Variants in SRGAP2 observed in about 807,000 individuals in gnomAD.
The protein encoded by SRGAP2 is SLIT-ROBO Rho GTPase activating protein 2.
Under a neutral mutation model 57.2 loss-of-function variants are expected in SRGAP2, and 15 were observed. The observed-to-expected ratio is 0.26, with a 90% CI of 0.18 to 0.40. The LOEUF is 0.40. SRGAP2 is among the 10% of genes least tolerant of loss of function. The pLI is 1.00. For synonymous variants in SRGAP2, 249 were observed against 248.0 expected (o/e 1.00, Z -0.04); for missense variants, 520 against 669.6 (o/e 0.78, Z 2.47).
intron 17 of SRGAP2, among the ~76,000 whole-genome samples, chr1:206,444,825 C>G (rs1385897289): frequency 6.6e-6 from 1 of 152,190 alleles, no homozygotes; most frequent in Non-Finnish European, 1.5e-5. Flanking sequence ...CCGTTGCTGG[C>G]CTCTCCTGCA....
At chr1:206,363,133 C>T (rs1240348619) in intron 4 of SRGAP2, among the ~76,000 whole-genome samples, 26 of 152,028 alleles carry the variant, frequency 1.7e-4, no homozygotes, top group Non-Finnish European at 3.2e-4. Context: ...AGATGAAAAG[C>T]GTTCCGGAAC....
chr1:206,445,454 TAGA>T (rs1228284546), intron 17 of SRGAP2, among the ~76,000 whole-genome samples: 2 of 152,162 alleles, frequency 1.3e-5, no homozygotes, highest in Non-Finnish European at 2.9e-5. Context: ...TGTAATAATC[TAGA>T]AGGAGATTAT....
chr1:206,360,098 G>A (rs1184359448), intron 4 of SRGAP2, among the ~76,000 whole-genome samples: 1 of 152,084 alleles, frequency 6.6e-6, no homozygotes, highest in East Asian at 1.9e-4. Flanking sequence ...GAGCCACCGC[G>A]CCCGGCCGAT....
At chr1:206,428,420 C>CAAA (rs71152470) in intron 13 of SRGAP2, among the ~76,000 whole-genome samples, 7 of 60,062 alleles carry the variant, frequency 1.2e-4, no homozygotes, top group African/African-American at 3.6e-4. Flanking sequence ...GACTCTGTCT[C>CAAA]AAAAAAAAAA....
At chr1:206,237,302 A>G (rs536336710) in intron 2 of SRGAP2, among the ~76,000 whole-genome samples, 1 of 152,178 alleles carries the variant, frequency 6.6e-6, no homozygotes, top group Admixed American at 6.5e-5. Context: ...AGGGGGGAAA[A>G]AAAAGTGAAT....
chr1:206,435,369 AG>A (rs1385276604), intron 14 of SRGAP2, among the ~76,000 whole-genome samples: 1 of 152,228 alleles, frequency 6.6e-6, no homozygotes, highest in African/African-American at 2.4e-5. Flanking sequence ...AGGTTTTTGA[AG>A]GATTGTGCCG....
intron 2 of SRGAP2, among the ~76,000 whole-genome samples, chr1:206,268,064 A>G (rs1180598585): frequency 6.8e-6 from 1 of 147,130 alleles, no homozygotes; most frequent in African/African-American, 2.6e-5. Flanking sequence ...TATGATGAAC[A>G]TGGACTATAT....
At chr1:206,347,316 G>A (rs1176451579) in intron 4 of SRGAP2, among the ~76,000 whole-genome samples, 2 of 151,906 alleles carry the variant, frequency 1.3e-5, no homozygotes, top group South Asian at 2.1e-4. Flanking sequence ...GGTGGCTCAC[G>A]CCTGTAATCG....
At chr1:206,375,534 C>T (rs1553344254) in intron 4 of SRGAP2, among the ~76,000 whole-genome samples, 1 of 152,138 alleles carries the variant, frequency 6.6e-6, no homozygotes, top group Non-Finnish European at 1.5e-5. Context: ...ATTTGATTGT[C>T]TGTTTTGTTT....
chr1:206,458,899 A>C lies in SRGAP2; in HGVS notation c.2784A>C (p.Ser928=). 1.3e-6 allele frequency: 1 copy of C among 779,788 alleles called. No homozygotes were observed. Among genetic ancestry groups the C allele is most frequent in the Non-Finnish European group, 2.4e-6 (1 of 417,456 alleles). 48.3% of individuals were successfully genotyped at this position (779,788 alleles called of 1,614,324 possible). The change falls in exon 22 of 23, where the codon TCA becomes TCC. Residue 928 remains serine, a synonymous_variant. Coordinates refer to ENST00000573034, the MANE Select transcript of SRGAP2 (RefSeq NM_015326.5). ...QIRKTATAGR[S]KSFNNHRPMD... ...GGAAGACTGCCACAGCGGGAAGGTC[A>C]AAAAGCTTCAATAACCATCGGCCCA... is the stretch of plus-strand genomic sequence containing the variant.
intron 4 of SRGAP2, among the ~76,000 whole-genome samples, chr1:206,346,764 A>G (rs1553336951): frequency 6.6e-6 from 1 of 152,210 alleles, no homozygotes; most frequent in African/African-American, 2.4e-5. Context: ...TTTTTAATCT[A>G]TAAAACTTAA....
intron 18 of SRGAP2, among the ~76,000 whole-genome samples, chr1:206,448,695 C>T (rs187800752): frequency 7.8e-4 from 119 of 152,240 alleles, no homozygotes; most frequent in Admixed American, 1.6e-3. Flanking sequence ...TACTGGCTGG[C>T]TGTGTAAATA....
At chr1:206,327,897 G>A (rs868973430) in intron 3 of SRGAP2, among the ~76,000 whole-genome samples, 1 of 91,548 alleles carries the variant, frequency 1.1e-5, no homozygotes, top group Non-Finnish European at 1.9e-5. Context: ...ATGCTGGTGC[G>A]CTGCACCCAC....
At chr1:206,443,263 C>T (rs1662468547) in intron 17 of SRGAP2, among the ~76,000 whole-genome samples, 1 of 152,174 alleles carries the variant, frequency 6.6e-6, no homozygotes, top group Non-Finnish European at 1.5e-5. Context: ...TCTTTGAGGA[C>T]ATGGCATGAG....
chr1:206,292,011 G>A (rs1404291542), intron 2 of SRGAP2, among the ~76,000 whole-genome samples: 8 of 150,062 alleles, frequency 5.3e-5, no homozygotes, highest in Non-Finnish European at 7.4e-5. Context: ...AGGCAAAAGC[G>A]TACACTTCAT....
rs1664398319 is a variant in SRGAP2, at chr1:206,463,677, G to A, written c.*2257G>A. The A allele has an allele frequency of 6.6e-6, 1 of 152,634 alleles. No homozygotes were observed. The highest frequency in any genetic ancestry group is 1.5e-5 in the Non-Finnish European group (1 of 68,076). 9.5% of individuals were successfully genotyped at this position (152,634 alleles called of 1,614,324 possible). On this transcript the variant is annotated 3_prime_UTR_variant, in exon 23 of 23. Transcript: ENST00000573034. ...TTGCATCATGAACTGAACAGTGTGT[G>A]AGTGGTCACCTACTAAACCCAGCTC...
intron 2 of SRGAP2, among the ~76,000 whole-genome samples, chr1:206,285,963 GC>G (rs1351695011): frequency 1.3e-5 from 2 of 152,172 alleles, no homozygotes; most frequent in Non-Finnish European, 2.9e-5. Flanking sequence ...ACCACACCTG[GC>G]CCATCACACT....
intron 22 of SRGAP2, 145 bp downstream of exon 22, chr1:206,459,092 AC>A (rs1664062980): frequency 1.7e-6 from 1 of 595,456 alleles, no homozygotes; most frequent in African/African-American, 1.9e-5. Flanking sequence ...GGACATGTGG[AC>A]CCAATAAGAC....
At chr1:206,458,398 C>T in intron 21 of SRGAP2, 1 of 699,784 alleles carries the variant, frequency 1.4e-6, no homozygotes, top group Admixed American at 2.0e-5. Flanking sequence ...ACACAAAGCC[C>T]GTGACCACCA....
Sources: gnomAD v4.1 joint callset for allele counts (sites outside exome capture counted in the v4.1 genomes callset) on GRCh38, gnomAD v4.1.1 for gene constraint, MANE v1.5 for transcripts, NCBI Gene and HGNC (gene_info 2026-07-23, HGNC 2026-07-21) for gene names.